Variants in TSHZ2 observed in about 807,000 individuals in gnomAD.
The protein encoded by TSHZ2 is teashirt zinc finger homeobox 2.
Under a neutral mutation model 74.4 loss-of-function variants are expected in TSHZ2, and 21 were observed. That is an observed-to-expected ratio of 0.28 (90% CI 0.20 to 0.41). The LOEUF (loss-of-function observed/expected upper bound fraction) is 0.41. Ranked by LOEUF, TSHZ2 falls within the 10% of genes least tolerant of loss-of-function variation. The pLI is 1.00. For synonymous variants in TSHZ2, 540 were observed against 515.3 expected (o/e 1.05, Z -0.65); for missense variants, 1,244 against 1,293.5 (o/e 0.96, Z 0.59).
chr20:53,285,430 G>A (rs1418611418), intron 2 of TSHZ2, among the ~76,000 whole-genome samples: 1 of 152,132 alleles, frequency 6.6e-6, no homozygotes, highest in Non-Finnish European at 1.5e-5. Context: ...GAGAAATGGG[G>A]CCAGGTGCGG....
At chr20:53,108,945 C>T (rs1002070859) in intron 1 of TSHZ2, among the ~76,000 whole-genome samples, 3 of 152,182 alleles carry the variant, frequency 2.0e-5, no homozygotes, top group Non-Finnish European at 4.4e-5. Flanking sequence ...ACTCTCCCTT[C>T]TGCCCCTCCA....
chr20:53,019,173 A>T, intron 1 of TSHZ2, among the ~76,000 whole-genome samples: 1 of 151,996 alleles, frequency 6.6e-6, no homozygotes, highest in East Asian at 1.9e-4. Context: ...GAAGGCCTGC[A>T]GTTCAAATGA....
intron 2 of TSHZ2, among the ~76,000 whole-genome samples, chr20:53,450,939 C>A (rs557750286): frequency 6.6e-6 from 1 of 151,966 alleles, no homozygotes; most frequent in African/African-American, 2.4e-5. Flanking sequence ...CTTTTCTCTA[C>A]TTAATACTAC....
chr20:53,034,394 A>G (rs1033397289), intron 1 of TSHZ2, among the ~76,000 whole-genome samples: 1 of 152,176 alleles, frequency 6.6e-6, no homozygotes, highest in Non-Finnish European at 1.5e-5. Context: ...GGTATTGAAA[A>G]TCTACTCACT....
At chr20:53,296,561 C>T (rs1181625944) in intron 2 of TSHZ2, among the ~76,000 whole-genome samples, 1 of 152,206 alleles carries the variant, frequency 6.6e-6, no homozygotes, top group African/African-American at 2.4e-5. Flanking sequence ...CTTTCACTCC[C>T]ACACACTTTA....
intron 2 of TSHZ2, among the ~76,000 whole-genome samples, chr20:53,323,927 C>G (rs749896864): frequency 3.9e-5 from 6 of 152,126 alleles, no homozygotes; most frequent in Non-Finnish European, 8.8e-5. Flanking sequence ...TTAAGACCAA[C>G]TGACTTGGAG....
intron 2 of TSHZ2, among the ~76,000 whole-genome samples, chr20:53,368,380 G>T (rs1208589128): frequency 6.6e-6 from 1 of 152,108 alleles, no homozygotes; most frequent in African/African-American, 2.4e-5. Flanking sequence ...TGTGACTTCG[G>T]CTCATGGCAA....
At chr20:53,290,778 T>G (rs1424081404) in intron 2 of TSHZ2, among the ~76,000 whole-genome samples, 4 of 152,192 alleles carry the variant, frequency 2.6e-5, no homozygotes, top group South Asian at 2.1e-4. Context: ...GTGTCCACTC[T>G]CAAAAGTTCT....
chr20:52,996,349 T>G (rs1982193957), intron 1 of TSHZ2, among the ~76,000 whole-genome samples: 1 of 144,782 alleles, frequency 6.9e-6, no homozygotes, highest in South Asian at 2.1e-4. Flanking sequence ...ATTTATTTAT[T>G]TATTAGGCAA....
chr20:53,292,158 G>A lies in TSHZ2; in HGVS notation c.*8+35587G>A, dbSNP rs117818913. ...AATAATGACTAATTATTGAGGCTTC[G>A]GTCCATTCATCTAGGAGGAGAGCAT... is the stretch of plus-strand genomic sequence containing the variant. On this transcript the variant is annotated intron_variant, in intron 2 of 2. Coordinates refer to ENST00000371497, the MANE Select transcript of TSHZ2 (RefSeq NM_173485.6). Among the ~76,000 whole-genome samples the A allele has an allele frequency of 8.5e-4, 129 of 152,060 alleles. 1 individual carries two copies. The East Asian group carries it at 0.015, about 17-fold the overall frequency.
chr20:53,412,596 T>C (rs554184344), intron 2 of TSHZ2: 3 of 152,380 alleles, frequency 2.0e-5, no homozygotes, highest in Non-Finnish European at 2.9e-5. Context: ...CCGCCACTTA[T>C]GAAGTTCCCT....
chr20:53,050,160 T>TATATATGTGTATATATATATACACATAG (rs1984403561), intron 1 of TSHZ2, among the ~76,000 whole-genome samples: 2 of 141,820 alleles, frequency 1.4e-5, no homozygotes, highest in Non-Finnish European at 3.0e-5. Flanking sequence ...TATACACATA[T>TATATATGTGTATATATATATACACATAG]ATATGTACAT....
chr20:53,028,048 C>G (rs1280205510), intron 1 of TSHZ2, among the ~76,000 whole-genome samples: 1 of 152,112 alleles, frequency 6.6e-6, no homozygotes, highest in African/African-American at 2.4e-5. Context: ...GGCCCAGGAG[C>G]TGATTTCAGA....
intron 2 of TSHZ2, among the ~76,000 whole-genome samples, chr20:53,359,615 A>G (rs142707686): frequency 6.6e-6 from 1 of 152,308 alleles, no homozygotes; most frequent in East Asian, 1.9e-4. Context: ...GGCTATTACA[A>G]TCTTTATTTG....
intron 1 of TSHZ2, among the ~76,000 whole-genome samples, chr20:52,973,673 C>T (rs1048227766): frequency 2.6e-5 from 4 of 152,160 alleles, no homozygotes; most frequent in African/African-American, 9.7e-5. Context: ...GGGAGACAGC[C>T]CCTCCACCCC....
At chr20:53,215,626 A>C (rs573065579) in intron 1 of TSHZ2, among the ~76,000 whole-genome samples, 2 of 151,660 alleles carry the variant, frequency 1.3e-5, no homozygotes, top group East Asian at 3.9e-4. Context: ...CACCACTTTG[A>C]GAGGCCAAGG....
intron 1 of TSHZ2, among the ~76,000 whole-genome samples, chr20:53,198,625 AC>A (rs886194243): frequency 6.6e-6 from 1 of 151,944 alleles, no homozygotes; most frequent in Non-Finnish European, 1.5e-5. Context: ...TTTTTTTTTC[AC>A]TATTTCAAAA....
Position 53,393,158 on chromosome 20 carries a change from T to C in TSHZ2, c.*9-93986T>C, listed in dbSNP as rs6022443. ...GGTAGTTTTTCAATCTTCACCCTCC[T>C]CCTATCCTCCACCCTCAAATATGCT... On this transcript the variant is annotated intron_variant, in intron 2 of 2. Coordinates refer to ENST00000371497, the MANE Select transcript of TSHZ2 (RefSeq NM_173485.6). Among the ~76,000 whole-genome samples the C allele has an allele frequency of 1.6e-3, 236 of 152,244 alleles. 2 individuals carry two copies. Among genetic ancestry groups the C allele is most frequent in the African/African-American group, 5.3e-3 (222 of 41,556 alleles).
chr20:53,013,140 C>G (rs1297830078), intron 1 of TSHZ2, among the ~76,000 whole-genome samples: 4 of 152,142 alleles, frequency 2.6e-5, no homozygotes, highest in Admixed American at 2.6e-4. Context: ...TTATAGATCA[C>G]TTCAGATTTT....
Sources: gnomAD v4.1 joint callset for allele counts (sites outside exome capture counted in the v4.1 genomes callset) on GRCh38, gnomAD v4.1.1 for gene constraint, MANE v1.5 for transcripts, NCBI Gene and HGNC (gene_info 2026-07-23, HGNC 2026-07-21) for gene names.